RBFOX3: variants seen among roughly 807,000 people sequenced by gnomAD.
RBFOX3 encodes RNA binding protein fox-1 homolog 3.
A neutral mutation model predicts 48.7 loss-of-function variants in RBFOX3; 17 were observed. The ratio of observed to expected loss-of-function variants is 0.35; its 90% CI spans 0.24 to 0.52. The LOEUF (loss-of-function observed/expected upper bound fraction) is 0.52. Ranked by LOEUF, RBFOX3 falls within the 20% of genes least tolerant of loss-of-function variation. The pLI is 0.94. For synonymous variants in RBFOX3, 212 were observed against 209.5 expected, an observed-to-expected ratio of 1.01 and a Z score of -0.10; for missense variants, 382 against 497.5, an observed-to-expected ratio of 0.77 and a Z score of 2.21.
intron 2 of RBFOX3, among the ~76,000 whole-genome samples, chr17:79,429,061 C>A (rs1473620215): frequency 1.6e-4 from 25 of 152,236 alleles, no homozygotes; most frequent in African/African-American, 5.5e-4. Flanking sequence ...TACCCAGAAC[C>A]TTTTCCTGCT....
At chr17:79,126,066 A>C (rs57889785) in intron 4 of RBFOX3, among the ~76,000 whole-genome samples, 4,307 of 152,246 alleles carry the variant, frequency 0.028, 200 homozygotes, top group African/African-American at 0.096. Context: ...CACAGAGGGG[A>C]CACCGAGGCC....
At chr17:79,104,806 G>A (rs1312611565) in intron 6 of RBFOX3, among the ~76,000 whole-genome samples, 1 of 152,124 alleles carries the variant, frequency 6.6e-6, no homozygotes, top group Non-Finnish European at 1.5e-5. Flanking sequence ...GGTTGGGCAG[G>A]GGGAAAATGG....
intron 1 of RBFOX3, among the ~76,000 whole-genome samples, chr17:79,562,332 G>A (rs1568417880): frequency 2.0e-5 from 3 of 152,146 alleles, no homozygotes; most frequent in Admixed American, 1.3e-4. Flanking sequence ...TCTCTCCGCC[G>A]TCCATCTCCT....
chr17:79,467,358 G>T (rs929946758), intron 2 of RBFOX3, among the ~76,000 whole-genome samples: 2 of 152,208 alleles, frequency 1.3e-5, no homozygotes, highest in African/African-American at 4.8e-5. Flanking sequence ...GATGAGGGCA[G>T]AGCGGGGAGG....
rs559447909 is a variant in RBFOX3, at chr17:79,482,963, C to T, written c.-319-365G>A. Among the ~76,000 whole-genome samples, 1,785 of 151,878 alleles carry T rather than the reference C, an allele frequency of 0.012. 25 individuals are homozygous for T. Among genetic ancestry groups the T allele is most frequent in the Non-Finnish European group, 0.016 (1,097 of 67,886 alleles). On this transcript the variant is annotated intron_variant, in intron 1 of 14. Transcript: ENST00000693108. This position sits in a 1 kb window ranked among gnomAD's most constrained non-coding sequence, Gnocchi z 4.1. ...CCCCATCGCCTTTCCCACTACCGCCCGCTCTTGCTTCCTCCCCCACCCAGC... is the reference window on the plus strand; with the variant it reads ...CCCCATCGCCTTTCCCACTACCGCCTGCTCTTGCTTCCTCCCCCACCCAGC...
chr17:79,511,862 G>T (rs1314477053), intron 1 of RBFOX3, among the ~76,000 whole-genome samples: 1 of 149,242 alleles, frequency 6.7e-6, no homozygotes, highest in Non-Finnish European at 1.5e-5. Flanking sequence ...ATGGCCAGGG[G>T]ACACACGTGC....
At chr17:79,289,886 A>G (rs564962696) in intron 3 of RBFOX3, among the ~76,000 whole-genome samples, 13 of 152,230 alleles carry the variant, frequency 8.5e-5, no homozygotes, top group African/African-American at 3.1e-4. Flanking sequence ...AACTAATAAC[A>G]CTGGGCTATA....
At chr17:79,547,549 C>T (rs537887754) in intron 1 of RBFOX3, among the ~76,000 whole-genome samples, 15 of 152,296 alleles carry the variant, frequency 9.8e-5, no homozygotes, top group African/African-American at 3.6e-4. Flanking sequence ...GACAAGCCCT[C>T]CTGAACCCTC....
intron 2 of RBFOX3, among the ~76,000 whole-genome samples, chr17:79,470,411 T>TC (rs1470374566): frequency 5.3e-5 from 8 of 151,290 alleles, no homozygotes; most frequent in African/African-American, 1.2e-4. Context: ...ACTCAACAGC[T>TC]CCCCCCGAGG....
chr17:79,620,475 A>G, the RBFOX3 span, among the ~76,000 whole-genome samples: 1 of 144,768 alleles, frequency 6.9e-6, no homozygotes, highest in Non-Finnish European at 1.5e-5. Context: ...GCACACGTGC[A>G]CACACGCACG....
rs1034816897 is a variant in RBFOX3, at chr17:79,288,359, C to G, written c.-74+19365G>C. On this transcript the variant is annotated intron_variant, in intron 3 of 14. Coordinates refer to ENST00000693108, the MANE Select transcript of RBFOX3 (RefSeq NM_001350451.2). ...TGCCATCAGAGAGCGGAGATAGATC[C>G]CATCTGTCTGCTCAAAGAAAGTCCT... 9.2e-5 allele frequency among the ~76,000 whole-genome samples: 14 copies of G among 152,244 alleles called. No individual in the cohort carries two copies. The East Asian group carries it at 2.1e-3, about 23-fold the overall frequency.
chr17:79,430,025 G>A (rs776122372), intron 2 of RBFOX3, among the ~76,000 whole-genome samples: 2 of 152,156 alleles, frequency 1.3e-5, no homozygotes, highest in Admixed American at 6.5e-5. Flanking sequence ...CTGCCGAGGC[G>A]AGGTGGGGGA....
chr17:79,163,429 T>A (rs2047369052), intron 4 of RBFOX3, among the ~76,000 whole-genome samples: 1 of 151,954 alleles, frequency 6.6e-6, no homozygotes, highest in Admixed American at 6.5e-5. Flanking sequence ...TGGGGCAGAG[T>A]GGAGAGGCCA....
At chr17:79,171,665 T>G (rs2049325271) in intron 4 of RBFOX3, among the ~76,000 whole-genome samples, 1 of 149,124 alleles carries the variant, frequency 6.7e-6, no homozygotes, top group Non-Finnish European at 1.5e-5. Flanking sequence ...TCTTGCCACT[T>G]TGCCCAGGCT....
rs985387425 is a variant in RBFOX3 at position 79,110,899 on chromosome 17, C to G, written c.223-4111G>C. ...CTCACTGTGGCGTTGCTTTGGGGAC[C>G]AGCGCCTCCTCTCTTCCGCCCTTCT... On this transcript the variant is annotated intron_variant, in intron 5 of 14. Coordinates refer to ENST00000693108, the MANE Select transcript of RBFOX3 (RefSeq NM_001350451.2). Among the ~76,000 whole-genome samples, 4 of 152,258 alleles carry G rather than the reference C, an allele frequency of 2.6e-5. No individual in the cohort carries two copies. In the East Asian group the frequency reaches 7.7e-4, roughly 29 times the overall value.
chr17:79,496,941 C>A (rs1044975576), intron 1 of RBFOX3, among the ~76,000 whole-genome samples: 6 of 152,196 alleles, frequency 3.9e-5, no homozygotes, highest in Non-Finnish European at 7.4e-5. Context: ...GAGCCGATGA[C>A]CTTTCACGGT....
intron 12 of RBFOX3, among the ~76,000 whole-genome samples, chr17:79,096,359 T>A (rs2075257669): frequency 1.3e-5 from 2 of 151,686 alleles, no homozygotes; most frequent in Admixed American, 6.6e-5. Flanking sequence ...CGTGGCAGAG[T>A]CCCACTGCCC....
chr17:79,276,665 A>T (rs757555331), intron 3 of RBFOX3, among the ~76,000 whole-genome samples: 1 of 152,190 alleles, frequency 6.6e-6, no homozygotes, highest in Non-Finnish European at 1.5e-5. Flanking sequence ...AGCCTGGGTG[A>T]CAGAGCGAGA....
At chr17:79,438,037 C>T (rs1555732215) in intron 2 of RBFOX3, among the ~76,000 whole-genome samples, 1 of 152,180 alleles carries the variant, frequency 6.6e-6, no homozygotes, top group Non-Finnish European at 1.5e-5. Flanking sequence ...ACTATGCACA[C>T]ACAGGCATGC....
Sources: allele counts gnomAD v4.1 joint callset (sites outside exome capture counted in the v4.1 genomes callset), GRCh38; gene constraint gnomAD v4.1.1; non-coding constraint Gnocchi (gnomAD v3.1); transcripts MANE v1.5; gene names NCBI Gene and HGNC (gene_info 2026-07-23, HGNC 2026-07-21).